CADM2: variants seen among roughly 807,000 people sequenced by gnomAD.
CADM2 encodes the protein cell adhesion molecule 2.
Under a neutral mutation model 49.8 loss-of-function variants are expected in CADM2, and 12 were observed. The observed-to-expected ratio is 0.24, with a 90% CI of 0.15 to 0.39. CADM2 has a LOEUF of 0.39. CADM2 is among the 10% of genes least tolerant of loss of function. The pLI is 1.00. For missense variants in CADM2, 378 were observed against 492.3 expected (o/e 0.77, Z 2.20); for synonymous variants, 214 against 175.4 (o/e 1.22, Z -1.74).
chr3:85,683,116 T>C (rs1302956057), intron 1 of CADM2, among the ~76,000 whole-genome samples: 1 of 152,118 alleles, frequency 6.6e-6, no homozygotes, highest in East Asian at 1.9e-4. Context: ...TCTTTTTTAC[T>C]GTGAGTGCCA....
At chr3:85,867,593 C>T (rs1238671771) in intron 3 of CADM2, among the ~76,000 whole-genome samples, 1 of 151,922 alleles carries the variant, frequency 6.6e-6, no homozygotes, top group Non-Finnish European at 1.5e-5. Context: ...TATGGAGAAG[C>T]TGTAATGAAT....
intron 5 of CADM2, among the ~76,000 whole-genome samples, chr3:85,887,963 T>C (rs1713898785): frequency 6.6e-6 from 1 of 152,218 alleles, no homozygotes. Context: ...CTGTAAGAAT[T>C]CTCCAGGCAG....
At chr3:85,234,064 T>G (rs2042358450) in intron 1 of CADM2, among the ~76,000 whole-genome samples, 1 of 152,094 alleles carries the variant, frequency 6.6e-6, no homozygotes, top group Non-Finnish European at 1.5e-5. Context: ...TTAGGTACTA[T>G]TATTTTCCCT....
intron 8 of CADM2, among the ~76,000 whole-genome samples, chr3:86,009,146 G>GATAT (rs111325694): frequency 7.8e-5 from 11 of 141,700 alleles, no homozygotes; most frequent in South Asian, 4.4e-4. Flanking sequence ...TATATATATA[G>GATAT]ATATATATAT....
intron 1 of CADM2, among the ~76,000 whole-genome samples, chr3:85,248,838 A>G (rs1390488023): frequency 6.6e-6 from 1 of 152,190 alleles, no homozygotes; most frequent in African/African-American, 2.4e-5. Context: ...AATACATCAG[A>G]TGCCATTCTG....
intron 1 of CADM2, among the ~76,000 whole-genome samples, chr3:85,070,860 A>C (rs1429867316): frequency 6.6e-6 from 1 of 151,888 alleles, no homozygotes; most frequent in Non-Finnish European, 1.5e-5. Context: ...TGGGTGGTGC[A>C]CACTTGTAGT....
chr3:85,698,182 A>G (rs2066629056), intron 1 of CADM2, among the ~76,000 whole-genome samples: 1 of 152,150 alleles, frequency 6.6e-6, no homozygotes, highest in Non-Finnish European at 1.5e-5. Flanking sequence ...TCTGCTTCTT[A>G]TGGCATCAGT....
chr3:85,147,021 C>G (rs563909453), intron 1 of CADM2, among the ~76,000 whole-genome samples: 4 of 151,948 alleles, frequency 2.6e-5, no homozygotes, highest in African/African-American at 9.7e-5. Flanking sequence ...GCCTGTAACC[C>G]CAGCACTTTG....
Position 85,290,660 on chromosome 3 carries a change from C to T in CADM2, c.61+330992C>T, listed in dbSNP as rs141455324. Among the ~76,000 whole-genome samples, 584 of 152,314 alleles carry T rather than the reference C, an allele frequency of 3.8e-3. 1 individual carries two copies. Among genetic ancestry groups the T allele is most frequent in the African/African-American group, 0.013 (559 of 41,560 alleles). The stretch of plus-strand genomic sequence containing the variant: ...ACCCCTGAGCTGCCTAACTGGGAGG[C>T]ACCCCCAGCAGGGGCAGACTGACAC... On this transcript the variant is annotated intron_variant, in intron 1 of 9. Coordinates refer to ENST00000383699, the MANE Select transcript of CADM2 (RefSeq NM_001167675.2).
intron 1 of CADM2, among the ~76,000 whole-genome samples, chr3:85,688,554 T>A (rs1187828441): frequency 7.2e-6 from 1 of 138,656 alleles, no homozygotes; most frequent in East Asian, 2.1e-4. Flanking sequence ...TGGCAGTTTA[T>A]TTATTTATTC....
chr3:85,581,744 G>A (rs1348256274), intron 1 of CADM2, among the ~76,000 whole-genome samples: 1 of 151,646 alleles, frequency 6.6e-6, no homozygotes, highest in East Asian at 1.9e-4. Flanking sequence ...AATTACATGG[G>A]CAATATCTGG....
chr3:85,774,106 T>C (rs1226061410), intron 2 of CADM2, among the ~76,000 whole-genome samples: 1 of 151,854 alleles, frequency 6.6e-6, no homozygotes. Flanking sequence ...CTCTATTTCC[T>C]CTTCATTTTT....
At chr3:86,020,358 C>A (rs1479380868) in intron 8 of CADM2, among the ~76,000 whole-genome samples, 3 of 151,754 alleles carry the variant, frequency 2.0e-5, no homozygotes, top group Non-Finnish European at 4.4e-5. Context: ...GCTTACCAAC[C>A]AAAAAGAGTC....
At chr3:85,953,402 A>G (rs1417850575) in intron 7 of CADM2, among the ~76,000 whole-genome samples, 1 of 150,852 alleles carries the variant, frequency 6.6e-6, no homozygotes, top group Non-Finnish European at 1.5e-5. Context: ...GACATTCCCA[A>G]TATTTAAATT....
intron 1 of CADM2, among the ~76,000 whole-genome samples, chr3:85,113,127 T>G (rs1056975004): frequency 6.6e-6 from 1 of 152,096 alleles, no homozygotes; most frequent in Admixed American, 6.6e-5. Flanking sequence ...GATGTCTACT[T>G]TATTTGCTAG....
chr3:85,409,051 A>G (rs2035536629), intron 1 of CADM2, among the ~76,000 whole-genome samples: 2 of 152,284 alleles, frequency 1.3e-5, no homozygotes, highest in East Asian at 1.9e-4. Context: ...ACTTCACTTC[A>G]TTGTGGTTTA....
chr3:86,021,156 C>T lies in CADM2; in HGVS notation c.971-44449C>T, dbSNP rs772351439. Reference sequence around the variant, plus strand: ...CTGGAATTACAGGCATCCACCACCACGCCCAGCTAATTTTTGTATTTTTAG... The same window carrying T: ...CTGGAATTACAGGCATCCACCACCATGCCCAGCTAATTTTTGTATTTTTAG... On this transcript the variant is annotated intron_variant, in intron 8 of 9. Coordinates refer to ENST00000383699, the MANE Select transcript of CADM2 (RefSeq NM_001167675.2). Among the ~76,000 whole-genome samples the T allele has an allele frequency of 5.9e-5, 9 of 152,078 alleles. No individual in the cohort carries two copies. In the East Asian group the frequency reaches 1.5e-3, roughly 26 times the overall value.
chr3:85,314,105 G>T (rs1050446841), intron 1 of CADM2, among the ~76,000 whole-genome samples: 1 of 152,090 alleles, frequency 6.6e-6, no homozygotes, highest in East Asian at 1.9e-4. Flanking sequence ...AGCCAGGATG[G>T]TCTCGATCTC....
At chr3:85,920,649 G>A (rs1020033987) in intron 6 of CADM2, among the ~76,000 whole-genome samples, 2 of 151,420 alleles carry the variant, frequency 1.3e-5, no homozygotes, top group Admixed American at 6.6e-5. Context: ...GACAAATATT[G>A]TTTTCTTTTA....
Sources: allele counts gnomAD v4.1 joint callset (sites outside exome capture counted in the v4.1 genomes callset), GRCh38; gene constraint gnomAD v4.1.1; transcripts MANE v1.5; gene names NCBI Gene and HGNC (gene_info 2026-07-23, HGNC 2026-07-21).